OCA2: variants seen among roughly 807,000 people sequenced by gnomAD.
OCA2 encodes P protein.
A neutral mutation model predicts 100.2 loss-of-function variants in OCA2; 77 were observed. That is an observed-to-expected ratio of 0.77 (90% CI 0.64 to 0.93). The LOEUF (loss-of-function observed/expected upper bound fraction) is 0.93, where lower values mean the gene tolerates loss of function less well. Among genes scored for constraint, OCA2 ranks in the 40% least tolerant of loss-of-function variants. OCA2 has a pLI of 0.00. For missense variants in OCA2, 1,062 were observed against 1,089.1 expected, an observed-to-expected ratio of 0.98 and a Z score of 0.35; for synonymous variants, 432 against 439.2, an observed-to-expected ratio of 0.98 and a Z score of 0.21.
chr15:28,032,273 T>C (rs771579587), intron 2 of OCA2, 110 bp from the exon 3 acceptor site: 1 of 894,016 alleles, frequency 1.1e-6, no homozygotes, highest in Non-Finnish European at 1.8e-6. Context: ...TGATAAATCT[T>C]ACAAGGAAAT....
At chr15:27,803,288 A>G (rs2033688794) in intron 23 of OCA2, among the ~76,000 whole-genome samples, 1 of 152,206 alleles carries the variant, frequency 6.6e-6, no homozygotes, top group African/African-American at 2.4e-5. Flanking sequence ...ACTCATCTTC[A>G]TAGCAGCATG....
At chr15:27,815,468 G>T (rs1021212457) in intron 23 of OCA2, among the ~76,000 whole-genome samples, 4 of 152,156 alleles carry the variant, frequency 2.6e-5, no homozygotes, top group Admixed American at 2.6e-4. Context: ...GTTGGTGAGG[G>T]TTTAGAGAAT....
chr15:27,887,073 T>C (rs1385196147), intron 19 of OCA2, among the ~76,000 whole-genome samples: 1 of 152,192 alleles, frequency 6.6e-6, no homozygotes, highest in African/African-American at 2.4e-5. Context: ...GGAGTTTCCC[T>C]GCACAAGATC....
chr15:27,775,066 GT>G (rs2032118697), intron 23 of OCA2, among the ~76,000 whole-genome samples: 1 of 41,386 alleles, frequency 2.4e-5, no homozygotes, highest in East Asian at 5.4e-4. Context: ...TAGAACTCGT[GT>G]GTGTGTGTGT....
At chr15:27,727,007 G>A in the OCA2 span, among the ~76,000 whole-genome samples, 1 of 152,240 alleles carries the variant, frequency 6.6e-6, no homozygotes. Context: ...ACAGGCATTT[G>A]CAAGCTGGAA....
intron 21 of OCA2, among the ~76,000 whole-genome samples, chr15:27,868,823 C>CA (rs2036430008): frequency 6.6e-6 from 1 of 152,158 alleles, no homozygotes; most frequent in African/African-American, 2.4e-5. Context: ...CATATATGTC[C>CA]AAATTCATGA....
At chr15:27,858,765 T>C (rs2036030701) in intron 21 of OCA2, among the ~76,000 whole-genome samples, 1 of 152,060 alleles carries the variant, frequency 6.6e-6, no homozygotes, top group Non-Finnish European at 1.5e-5. Flanking sequence ...TTTGGAGACA[T>C]AAAATATTCC....
chr15:27,921,413 G>A (rs577953006), intron 19 of OCA2, among the ~76,000 whole-genome samples: 1 of 152,138 alleles, frequency 6.6e-6, no homozygotes, highest in Non-Finnish European at 1.5e-5. Context: ...GAGAGAATTT[G>A]TTTCCAAAAG....
intron 18 of OCA2, among the ~76,000 whole-genome samples, chr15:27,935,448 G>A (rs2140450692): frequency 6.6e-6 from 1 of 152,266 alleles, no homozygotes; most frequent in Non-Finnish European, 1.5e-5. Context: ...AAAGCCCTGG[G>A]CAACATGATT....
intron 23 of OCA2, among the ~76,000 whole-genome samples, chr15:27,773,137 A>G (rs1367508897): frequency 6.6e-6 from 1 of 152,184 alleles, no homozygotes; most frequent in South Asian, 2.1e-4. Context: ...ATTTTTGTTC[A>G]CAAGTTTTAA....
chr15:27,759,732 T>C (rs1173618554), intron 23 of OCA2, among the ~76,000 whole-genome samples: 1 of 152,098 alleles, frequency 6.6e-6, no homozygotes, highest in Non-Finnish European at 1.5e-5. Flanking sequence ...CATGCACAAA[T>C]GGATTGTAGA....
chr15:27,990,519 C>CT, intron 10 of OCA2, 57 bp downstream of exon 10: 1 of 1,537,364 alleles, frequency 6.5e-7, no homozygotes, highest in Non-Finnish European at 9.0e-7. Context: ...CCTGGAACAT[C>CT]TTTGAGCTGA....
intron 2 of OCA2, among the ~76,000 whole-genome samples, chr15:28,078,317 G>T (rs1279197610): frequency 6.6e-6 from 1 of 152,190 alleles, no homozygotes; most frequent in Non-Finnish European, 1.5e-5. Context: ...CTCTGGGGTT[G>T]GTGATGCCTG....
chr15:27,848,423 G>A (rs764685800), intron 22 of OCA2, among the ~76,000 whole-genome samples: 6 of 152,134 alleles, frequency 3.9e-5, no homozygotes, highest in East Asian at 1.9e-4. Flanking sequence ...GGTATTCCAC[G>A]TGGCATGGGC....
At chr15:27,846,203 T>C (rs527584659) in intron 22 of OCA2, among the ~76,000 whole-genome samples, 1 of 152,154 alleles carries the variant, frequency 6.6e-6, no homozygotes, top group Non-Finnish European at 1.5e-5. Flanking sequence ...CACCAACGGT[T>C]CCATCCCATC....
chr15:27,719,223 G>T, the OCA2 span, among the ~76,000 whole-genome samples: 1 of 152,200 alleles, frequency 6.6e-6, no homozygotes, highest in Non-Finnish European at 1.5e-5. Flanking sequence ...TGTCTTCAGG[G>T]TTGGTTTCTC....
intron 23 of OCA2, among the ~76,000 whole-genome samples, chr15:27,803,786 A>C (rs2033710412): frequency 6.6e-6 from 1 of 152,264 alleles, no homozygotes; most frequent in African/African-American, 2.4e-5. Context: ...GATAGCATTC[A>C]CACTCACTAT....
intron 18 of OCA2, among the ~76,000 whole-genome samples, chr15:27,951,071 C>G (rs1233511504): frequency 2.6e-5 from 4 of 152,106 alleles, no homozygotes; most frequent in African/African-American, 4.8e-5. Context: ...ATGGAGATAA[C>G]TGTGAAATTG....
intron 18 of OCA2, among the ~76,000 whole-genome samples, chr15:27,934,315 A>T (rs1384617955): frequency 6.6e-6 from 1 of 152,118 alleles, no homozygotes; most frequent in African/African-American, 2.4e-5. Flanking sequence ...CAGTGGCCTA[A>T]TTTCTACTTA....
Sources: gnomAD v4.1 joint callset for allele counts (sites outside exome capture counted in the v4.1 genomes callset) on GRCh38, gnomAD v4.1.1 for gene constraint, MANE v1.5 for transcripts, NCBI Gene and HGNC (gene_info 2026-07-23, HGNC 2026-07-21) for gene names.